The following C2orf76 variants were observed in gnomAD, a reference collection of about 807,000 sequenced individuals.
C2orf76 encodes chromosome 2 open reading frame 76.
In C2orf76, 23 loss-of-function variants were observed where a neutral mutation model predicts 16.9. The observed-to-expected ratio is 1.36, with a 90% CI of 0.98 to 1.93. The LOEUF (loss-of-function observed/expected upper bound fraction) is 1.93, where lower values mean the gene tolerates loss of function less well. C2orf76 is among the 30% of genes most tolerant of loss of function. C2orf76 has a pLI of 0.00. For synonymous variants in C2orf76, 48 were observed against 52.3 expected (o/e 0.92, Z 0.35); for missense variants, 152 against 152.6 (o/e 1.00, Z 0.02).
In C2orf76 at chr2:119,302,305, A is replaced by G. The variant is rs879367926; in HGVS notation, c.*167T>C. The G allele has an allele frequency of 1.2e-5, 4 of 332,388 alleles. No individual in the cohort carries two copies. Among genetic ancestry groups the G allele is most frequent in the Admixed American group, 1.2e-4 (2 of 16,892 alleles). The allele number at this position is 332,388 out of a possible 1,614,324, so 20.6% of individuals were successfully genotyped here. A position where few individuals can be genotyped will look rare whatever the true frequency, so the allele number is the denominator to read the frequency against. ...TATATTATTTTACAACAACAAAGAA[A>G]AAGAAAGAGAGAAGGAAAGACCTGA... On this transcript the variant is annotated 3_prime_UTR_variant, in exon 6 of 6. Coordinates refer to ENST00000334816, the MANE Select transcript of C2orf76 (RefSeq NM_001322331.2).
downstream of C2orf76, among the ~76,000 whole-genome samples, chr2:119,300,572 A>G (rs183906175): frequency 2.9e-4 from 44 of 152,266 alleles, 1 homozygote; most frequent in East Asian, 7.7e-3. Flanking sequence ...GATGCTCCTC[A>G]ACTTACAATG....
intron 1 of C2orf76, among the ~76,000 whole-genome samples, chr2:119,348,600 C>T (rs1420318588): frequency 9.2e-5 from 14 of 152,146 alleles, no homozygotes; most frequent in African/African-American, 2.9e-4. Flanking sequence ...GAAGGAGATT[C>T]GCTTGAACCG....
At chr2:119,306,158 A>G (rs898259809) in intron 5 of C2orf76, among the ~76,000 whole-genome samples, 1 of 152,188 alleles carries the variant, frequency 6.6e-6, no homozygotes, top group South Asian at 2.1e-4. Flanking sequence ...AACGGCCACC[A>G]TAACATACTG....
At chr2:119,311,462 C>T (rs1005046969) in intron 5 of C2orf76, 160 bp downstream of exon 5, 2 of 985,278 alleles carry the variant, frequency 2.0e-6, no homozygotes, top group Admixed American at 6.1e-5. Flanking sequence ...GATCGGAATG[C>T]ACATCATTCT....
In C2orf76 at chr2:119,340,064, AG is replaced by A. The variant is rs925322332; in HGVS notation, c.-12-94del. 4.4e-5 allele frequency: 61 copies of A among 1,372,726 alleles called. 1 individual carries two copies. The African/African-American group carries it at 6.7e-4, about 15-fold the overall frequency. The allele number at this position is 1,372,726 out of a possible 1,614,324, so 85.0% of individuals were successfully genotyped here. The stretch of plus-strand genomic sequence containing the variant: ...GCATCTCTATCAGCTCTCTGGCACC[AG>A]CCCCGCTCTTCCATGCTGCATGATC... On this transcript the variant is annotated intron_variant, in intron 1 of 5. Transcript: ENST00000334816.
At chr2:119,365,701 C>T (rs11693629) in intron 1 of C2orf76, among the ~76,000 whole-genome samples, 44,110 of 152,016 alleles carry the variant, frequency 0.29, 6,569 homozygotes, top group African/African-American at 0.33. Context: ...AGCTCCTTTG[C>T]AACCACTGCC....
intron 4 of C2orf76, among the ~76,000 whole-genome samples, chr2:119,312,004 C>T (rs1294407612): frequency 1.3e-5 from 2 of 152,136 alleles, no homozygotes; most frequent in Admixed American, 6.5e-5. Flanking sequence ...CTCTAGGACT[C>T]GATTTCCTCA....
chr2:119,284,016 G>C, the C2orf76 span, among the ~76,000 whole-genome samples: 1 of 152,190 alleles, frequency 6.6e-6, no homozygotes, highest in African/African-American at 2.4e-5. Context: ...CTCCCTGGTA[G>C]AATCTGGCTT....
At chr2:119,282,921 G>T in the C2orf76 span, among the ~76,000 whole-genome samples, 2 of 152,204 alleles carry the variant, frequency 1.3e-5, no homozygotes, top group Non-Finnish European at 2.9e-5. Context: ...GCTGCGGGGG[G>T]AAACAACATG....
intron 1 of C2orf76, 196 bp from the exon 2 acceptor site, chr2:119,340,167 T>C (rs1378758404): frequency 7.8e-6 from 4 of 509,742 alleles, no homozygotes; most frequent in African/African-American, 1.9e-5. Flanking sequence ...ACCTATCCAC[T>C]GCAATCCTGG....
upstream of C2orf76, chr2:119,366,897 T>G: frequency 1.0e-6 from 1 of 976,472 alleles, no homozygotes; most frequent in Non-Finnish European, 1.6e-6. Flanking sequence ...CCCTAGCGCA[T>G]AGCTGGCTTC....
chr2:119,334,684 C>G (rs1429352526), intron 2 of C2orf76, among the ~76,000 whole-genome samples: 1 of 124,650 alleles, frequency 8.0e-6, no homozygotes, highest in Admixed American at 7.8e-5. Flanking sequence ...GAATGAGACT[C>G]TCTCTCAGAA....
the C2orf76 span, among the ~76,000 whole-genome samples, chr2:119,286,574 C>G: frequency 0.032 from 4,819 of 152,190 alleles, 92 homozygotes; most frequent in South Asian, 0.082. Context: ...AGCCAGAGAT[C>G]AAACCAAAGA....
At chr2:119,344,214 C>G (rs2104614143) in intron 1 of C2orf76, among the ~76,000 whole-genome samples, 1 of 152,268 alleles carries the variant, frequency 6.6e-6, no homozygotes, top group South Asian at 2.1e-4. Flanking sequence ...TCAGAAGGAC[C>G]ATTATCTAAT....
intron 1 of C2orf76, chr2:119,366,523 C>G (rs1247225361): frequency 2.1e-6 from 1 of 471,348 alleles, no homozygotes; most frequent in Non-Finnish European, 4.4e-6. Context: ...GGGACCATCT[C>G]CGGGGGTCTC....
At chr2:119,295,949 G>A in the C2orf76 span, among the ~76,000 whole-genome samples, 1 of 152,110 alleles carries the variant, frequency 6.6e-6, no homozygotes, top group African/African-American at 2.4e-5. Context: ...TGACCCTCTC[G>A]CTGACTAATG....
chr2:119,352,336 A>G (rs1573682355), intron 1 of C2orf76, among the ~76,000 whole-genome samples: 1 of 152,202 alleles, frequency 6.6e-6, no homozygotes, highest in African/African-American at 2.4e-5. Context: ...AAAAGGTACA[A>G]CTTTCAAAAA....
chr2:119,341,123 GA>G (rs1329322619), intron 1 of C2orf76, among the ~76,000 whole-genome samples: 1 of 152,022 alleles, frequency 6.6e-6, no homozygotes, highest in Non-Finnish European at 1.5e-5. Flanking sequence ...TGAATCTACA[GA>G]AAATAGACTA....
intron 5 of C2orf76, among the ~76,000 whole-genome samples, chr2:119,309,398 C>CTTTTTTTTTTTTTT (rs1193022536): frequency 1.3e-4 from 9 of 71,382 alleles, no homozygotes; most frequent in East Asian, 4.0e-4. Context: ...TTCTCTTTTT[C>CTTTTTTTTTTTTTT]TTTTTTTTTT....
Sources: allele counts gnomAD v4.1 joint callset (sites outside exome capture counted in the v4.1 genomes callset), GRCh38; gene constraint gnomAD v4.1.1; transcripts MANE v1.5; gene names NCBI Gene and HGNC (gene_info 2026-07-23, HGNC 2026-07-21).